Variants in PARL observed in about 807,000 individuals in gnomAD.
PARL encodes the protein presenilin-associated rhomboid-like protein, mitochondrial.
Under a neutral mutation model 51.6 loss-of-function variants are expected in PARL, and 44 were observed. The ratio of observed to expected loss-of-function variants is 0.85; its 90% CI spans 0.67 to 1.10. PARL has a LOEUF of 1.10. Ranked by LOEUF, PARL falls within the 50% of genes least tolerant of loss-of-function variation. PARL has a pLI of 0.00. For missense variants in PARL, 441 were observed against 469.5 expected, an observed-to-expected ratio of 0.94 and a Z score of 0.56; for synonymous variants, 172 against 164.0, an observed-to-expected ratio of 1.05 and a Z score of -0.37.
At chr3:183,843,333 T>C (rs1401226353) in intron 5 of PARL, 10 of 981,800 alleles carry the variant, frequency 1.0e-5, no homozygotes, top group Non-Finnish European at 1.2e-5. Flanking sequence ...CTGGGCAACA[T>C]GGCAAGACCT....
At chr3:183,844,447 AG>A in intron 4 of PARL, 121 bp from the exon 5 acceptor site, 1 of 717,414 alleles carries the variant, frequency 1.4e-6, no homozygotes, top group Non-Finnish European at 2.5e-6. Context: ...CCTGGGGGAT[AG>A]GGGGTGAGCC....
chr3:183,852,143 C>T (rs925759888), intron 4 of PARL, among the ~76,000 whole-genome samples: 6 of 151,958 alleles, frequency 3.9e-5, no homozygotes, highest in Admixed American at 3.3e-4. Flanking sequence ...AGTGACAGAG[C>T]GAGACTCTGT....
chr3:183,838,538 G>A (rs1257356526), intron 7 of PARL, among the ~76,000 whole-genome samples: 2 of 152,102 alleles, frequency 1.3e-5, no homozygotes, highest in African/African-American at 2.4e-5. Flanking sequence ...GGATTTTGAT[G>A]ACTGAACAGG....
In PARL at chr3:183,829,414, T is replaced by C. The variant is rs1727651728; in HGVS notation, c.*184A>G. The stretch of plus-strand genomic sequence containing the variant: ...CTTACAAACTAGATAGAAACCTTTA[T>C]TTCACAACTTTATCATCATTCACAT... On this transcript the variant is annotated 3_prime_UTR_variant, in exon 10 of 10. Coordinates refer to ENST00000317096, the MANE Select transcript of PARL (RefSeq NM_018622.7). The C allele has an allele frequency of 1.3e-6, 2 of 1,543,276 alleles. No individual in the cohort carries two copies. Among genetic ancestry groups the C allele is most frequent in the South Asian group, 2.4e-5 (2 of 82,654 alleles).
chr3:183,883,216 G>A (rs1734759093), intron 1 of PARL, among the ~76,000 whole-genome samples: 1 of 152,196 alleles, frequency 6.6e-6, no homozygotes, highest in African/African-American at 2.4e-5. Context: ...ATACGGTGAT[G>A]TGTACATAAA....
chr3:183,881,268 C>T (rs1734406627), intron 1 of PARL, among the ~76,000 whole-genome samples: 1 of 151,850 alleles, frequency 6.6e-6, no homozygotes, highest in South Asian at 2.1e-4. Flanking sequence ...ATTACAGGCC[C>T]CTGCCACCGT....
intron 4 of PARL, among the ~76,000 whole-genome samples, chr3:183,855,587 T>C (rs1731055326): frequency 6.6e-6 from 1 of 152,232 alleles, no homozygotes; most frequent in Admixed American, 6.5e-5. Flanking sequence ...TTTATTTCTA[T>C]TATATCATAA....
intron 9 of PARL, 33 bp downstream of exon 9, chr3:183,833,459 A>G (rs747359980): frequency 1.5e-6 from 2 of 1,295,778 alleles, no homozygotes; most frequent in Non-Finnish European, 2.2e-6. Flanking sequence ...GACCCAAGGA[A>G]GCAGTTTAGC....
At chr3:183,832,702 C>T (rs559927799) in intron 9 of PARL, among the ~76,000 whole-genome samples, 2 of 152,280 alleles carry the variant, frequency 1.3e-5, no homozygotes, top group Non-Finnish European at 1.5e-5. Context: ...ACCGTGTTTC[C>T]GTGATACAGT....
chr3:183,839,740 A>AT (rs1303830850), intron 7 of PARL, among the ~76,000 whole-genome samples: 42 of 133,484 alleles, frequency 3.1e-4, no homozygotes, highest in South Asian at 7.3e-4. Context: ...TTAAAAAAAA[A>AT]TTTTTTTTTT....
downstream of PARL, chr3:183,826,792 G>A (rs1022407564): frequency 3.2e-5 from 32 of 985,254 alleles, no homozygotes; most frequent in African/African-American, 5.6e-4. Flanking sequence ...GTCCGCCACG[G>A]CCCTGGGTTA....
At chr3:183,830,582 T>C (rs1727822204) in intron 9 of PARL, among the ~76,000 whole-genome samples, 11 of 152,188 alleles carry the variant, frequency 7.2e-5, no homozygotes, top group Admixed American at 7.2e-4. Flanking sequence ...TTATTTTTGC[T>C]CTGGCTTCCC....
chr3:183,884,689 G>T, intron 1 of PARL, 33 bp downstream of exon 1: 1 of 1,576,450 alleles, frequency 6.3e-7, no homozygotes. Context: ...CAGGGACCAA[G>T]AGGCGAGAAG....
chr3:183,875,782 T>C (rs902752515), intron 1 of PARL, among the ~76,000 whole-genome samples: 3 of 152,200 alleles, frequency 2.0e-5, no homozygotes, highest in Non-Finnish European at 4.4e-5. Context: ...CAGCCTTCTA[T>C]TGGAAGAAGA....
chr3:183,859,626 A>G (rs1462969681), intron 4 of PARL, among the ~76,000 whole-genome samples: 1 of 152,192 alleles, frequency 6.6e-6, no homozygotes, highest in Non-Finnish European at 1.5e-5. Flanking sequence ...GGCATGAGCC[A>G]CTGCACCCAG....
At chr3:183,851,661 A>T (rs1025255736) in intron 4 of PARL, among the ~76,000 whole-genome samples, 1 of 152,184 alleles carries the variant, frequency 6.6e-6, no homozygotes, top group South Asian at 2.1e-4. Flanking sequence ...TGCAAATCAT[A>T]TCCAATAAGG....
intron 1 of PARL, chr3:183,879,723 T>C (rs893009710): frequency 3.6e-5 from 35 of 979,910 alleles, no homozygotes; most frequent in Non-Finnish European, 4.1e-5. Context: ...AATTTCCTTT[T>C]TTTGGTGGGC....
chr3:183,845,202 T>C (rs569326643), intron 4 of PARL, among the ~76,000 whole-genome samples: 16 of 152,278 alleles, frequency 1.1e-4, no homozygotes, highest in African/African-American at 3.8e-4. Flanking sequence ...TAAGAGGATT[T>C]ACTTTAGAAA....
intron 1 of PARL, among the ~76,000 whole-genome samples, chr3:183,880,340 G>C (rs1734301822): frequency 6.6e-6 from 1 of 152,010 alleles, no homozygotes; most frequent in African/African-American, 2.4e-5. Flanking sequence ...AATCAAATGT[G>C]CTCAAAGTGG....
Sources: gnomAD v4.1 joint callset for allele counts (sites outside exome capture counted in the v4.1 genomes callset) on GRCh38, gnomAD v4.1.1 for gene constraint, MANE v1.5 for transcripts, NCBI Gene and HGNC (gene_info 2026-07-23, HGNC 2026-07-21) for gene names.